Variants in PSKH2 observed in about 807,000 individuals in gnomAD.
The protein encoded by PSKH2 is serine/threonine-protein kinase H2.
Under a neutral mutation model 22.5 loss-of-function variants are expected in PSKH2, and 16 were observed. That is an observed-to-expected ratio of 0.71 (90% CI 0.48 to 1.08). The LOEUF is 1.08. PSKH2 is among the 50% of genes least tolerant of loss of function. The pLI is 0.00. For missense variants in PSKH2, 516 were observed against 492.8 expected, an observed-to-expected ratio of 1.05 and a Z score of -0.44; for synonymous variants, 188 against 184.8, an observed-to-expected ratio of 1.02 and a Z score of -0.14.
chr8:86,052,587 A>C (rs1817647765), intron 2 of PSKH2, among the ~76,000 whole-genome samples: 1 of 152,206 alleles, frequency 6.6e-6, no homozygotes, highest in African/African-American at 2.4e-5. Flanking sequence ...TGTTACTATT[A>C]AATCCTCACA....
intron 1 of PSKH2, among the ~76,000 whole-genome samples, chr8:86,065,124 GC>G (rs753055323): frequency 3.3e-5 from 5 of 152,130 alleles, no homozygotes; most frequent in Admixed American, 1.3e-4. Flanking sequence ...CCTTCCTCTA[GC>G]CCTTGTTTTT....
At position 86,048,376 on chromosome 8, in the gene PSKH2, A is replaced by G; in HGVS notation, c.*86T>C. 2.2e-6 allele frequency: 2 copies of G among 929,982 alleles called. No homozygotes were observed. Among genetic ancestry groups the G allele is most frequent in the Non-Finnish European group, 3.3e-6 (2 of 603,120 alleles). The allele number at this position is 929,982 out of a possible 1,614,324, so 57.6% of individuals were successfully genotyped here. ...TCAATAGTATCCAACAATACCATGG[A>G]GTCCCGTGTCTTTGGAGCTTGAGGG... is the stretch of plus-strand genomic sequence containing the variant. On this transcript the variant is annotated 3_prime_UTR_variant, in exon 3 of 3. Coordinates refer to ENST00000276616, the MANE Select transcript of PSKH2 (RefSeq NM_033126.3).
intron 2 of PSKH2, among the ~76,000 whole-genome samples, chr8:86,057,313 C>CACACAT (rs55664585): frequency 0.28 from 41,731 of 150,966 alleles, 7,029 homozygotes; most frequent in East Asian, 0.47. Flanking sequence ...CACATACACA[C>CACACAT]AAATGCATGC....
Position 86,069,644 on chromosome 8 carries a change from C to A in PSKH2, c.-22G>T. ...CCATACCCGCAACACGCCCGCCGCTCGCGGGACCTGGGGACTCGGGAAGCA... is the reference window on the plus strand; with the variant it reads ...CCATACCCGCAACACGCCCGCCGCTAGCGGGACCTGGGGACTCGGGAAGCA... On this transcript the variant is annotated 5_prime_UTR_variant, in exon 1 of 3. Coordinates refer to ENST00000276616, the MANE Select transcript of PSKH2 (RefSeq NM_033126.3). 6.6e-7 allele frequency: 1 copy of A among 1,518,156 alleles called. No individual in the cohort carries two copies. Among genetic ancestry groups the A allele is most frequent in the South Asian group, 1.3e-5 (1 of 79,758 alleles). The allele number at this position is 1,518,156 out of a possible 1,614,324, so 94.0% of individuals were successfully genotyped here. A position where few individuals can be genotyped will look rare whatever the true frequency, so the allele number is the denominator to read the frequency against.
intron 1 of PSKH2, among the ~76,000 whole-genome samples, chr8:86,069,107 T>C (rs10085963): frequency 0.084 from 12,752 of 151,962 alleles, 1,829 homozygotes; most frequent in African/African-American, 0.29. Flanking sequence ...GGGAGAAGCT[T>C]AGGGAGAGGT....
upstream of PSKH2, chr8:86,069,775 T>G (rs1351366499): frequency 4.9e-6 from 4 of 824,668 alleles, no homozygotes; most frequent in East Asian, 9.5e-5. Flanking sequence ...GCCCCCAGGA[T>G]ACCCGCTAAC....
Position 86,064,586 on chromosome 8 carries a change from A to C in PSKH2, c.231T>G (p.Val77=). ...TGGTGGTCTTCTGCTCTACCCTGAC[A>C]ACCCTGCTGAAACTGCCTGTCCCAA... ...ALIGTGSFSR[V]VRVEQKTTKK... is the part of the protein sequence containing the mutation. Residue 77 remains valine (V), a synonymous_variant, in exon 2 of 3, where the codon GTT becomes GTG. Coordinates refer to ENST00000276616, the MANE Select transcript of PSKH2 (RefSeq NM_033126.3). 6.2e-7 allele frequency: 1 copy of C among 1,613,686 alleles called. No individual in the cohort carries two copies. Among genetic ancestry groups the C allele is most frequent in the Non-Finnish European group, 8.5e-7 (1 of 1,179,910 alleles).
intron 1 of PSKH2, among the ~76,000 whole-genome samples, chr8:86,065,893 C>T (rs562693145): frequency 6.6e-6 from 1 of 151,982 alleles, no homozygotes; most frequent in Non-Finnish European, 1.5e-5. Context: ...TCCCTCGAGC[C>T]CAGGAATTTG....
intron 2 of PSKH2, among the ~76,000 whole-genome samples, chr8:86,056,755 A>C (rs1817701872): frequency 6.6e-6 from 1 of 152,226 alleles, no homozygotes; most frequent in Admixed American, 6.5e-5. Flanking sequence ...TCTTCACAAC[A>C]ACCCTTTTAG....
At chr8:86,056,332 G>C (rs1817697883) in intron 2 of PSKH2, among the ~76,000 whole-genome samples, 3 of 151,992 alleles carry the variant, frequency 2.0e-5, no homozygotes, top group Admixed American at 2.0e-4. Context: ...ATCAGTGTCT[G>C]TCCTCGTCAG....
In PSKH2 at chr8:86,066,869, C is replaced by A. The variant is rs555444966; in HGVS notation, c.186-2238G>T. The stretch of plus-strand genomic sequence containing the variant: ...TAGATTCTTTCCCCTTTTCCCTTTC[C>A]AACTCTGCTTTTCTATTCACATGCA... On this transcript the variant is annotated intron_variant, in intron 1 of 2. Coordinates refer to ENST00000276616, the MANE Select transcript of PSKH2 (RefSeq NM_033126.3). Among the ~76,000 whole-genome samples the A allele has an allele frequency of 2.6e-5, 4 of 152,198 alleles. No homozygotes were observed. The East Asian group carries it at 7.7e-4, about 29-fold the overall frequency.
intron 2 of PSKH2, among the ~76,000 whole-genome samples, chr8:86,059,003 A>T (rs1363123316): frequency 4.6e-5 from 7 of 152,136 alleles, no homozygotes; most frequent in African/African-American, 1.7e-4. Flanking sequence ...GCAGTGCTGC[A>T]ATCTTAGCTC....
intron 2 of PSKH2, among the ~76,000 whole-genome samples, chr8:86,050,358 G>A (rs181819384): frequency 2.6e-5 from 4 of 152,166 alleles, no homozygotes; most frequent in Non-Finnish European, 5.9e-5. Context: ...TGGGCTCTAC[G>A]CTATCTAACA....
At chr8:86,067,789 T>C (rs1817886409) in intron 1 of PSKH2, among the ~76,000 whole-genome samples, 1 of 152,230 alleles carries the variant, frequency 6.6e-6, no homozygotes, top group Non-Finnish European at 1.5e-5. Context: ...GCAAAAGTTA[T>C]AGATGGAATC....
In PSKH2 at chr8:86,048,047, T is replaced by G. The variant is rs1291006048; in HGVS notation, c.*415A>C. ...ACTTCGAGTGTTACCTAGTTAACAC[T>G]GTATACTGGGGCTTAAATAAAAATC... On this transcript the variant is annotated 3_prime_UTR_variant, in exon 3 of 3. Transcript: ENST00000276616. 6.6e-6 allele frequency among the ~76,000 whole-genome samples: 1 copy of G among 152,206 alleles called. No homozygotes were observed. The highest frequency in any genetic ancestry group is 1.5e-5 in the Non-Finnish European group (1 of 68,022).
At chr8:86,059,800 G>C (rs1057177812) in intron 2 of PSKH2, among the ~76,000 whole-genome samples, 5 of 152,164 alleles carry the variant, frequency 3.3e-5, no homozygotes, top group African/African-American at 1.2e-4. Context: ...CAGACTTGAC[G>C]ATATGGGAAA....
intron 1 of PSKH2, 25 bp downstream of exon 1, chr8:86,069,413 G>A: frequency 6.5e-7 from 1 of 1,548,984 alleles, no homozygotes; most frequent in Non-Finnish European, 8.7e-7. Flanking sequence ...CCAGTCCCAG[G>A]CCAGTTCCTC....
At chr8:86,062,026 TGATCCAAATCACCATACCAG>T (rs1817783754) in intron 2 of PSKH2, among the ~76,000 whole-genome samples, 1 of 152,210 alleles carries the variant, frequency 6.6e-6, no homozygotes, top group African/African-American at 2.4e-5. Context: ...AAAATCAAAA[TGATCCAAATCACCATACCAG>T]GAGAAAAGCC....
chr8:86,048,399 G>A lies in PSKH2; in HGVS notation c.*63C>T, dbSNP rs2130135046. The A allele has an allele frequency of 1.6e-6, 2 of 1,222,408 alleles. No individual in the cohort carries two copies. The highest frequency in any genetic ancestry group is 1.5e-5 in the African/African-American group (1 of 66,716). 75.7% of individuals were successfully genotyped at this position (1,222,408 alleles called of 1,614,324 possible). On this transcript the variant is annotated 3_prime_UTR_variant, in exon 3 of 3. Transcript: ENST00000276616. ...GGAGTCCCGTGTCTTTGGAGCTTGA[G>A]GGTGCCCTAATCATGATGAAATGGT...
Sources: gnomAD v4.1 joint callset for allele counts (sites outside exome capture counted in the v4.1 genomes callset) on GRCh38, gnomAD v4.1.1 for gene constraint, MANE v1.5 for transcripts, NCBI Gene and HGNC (gene_info 2026-07-23, HGNC 2026-07-21) for gene names.